The following TMEM108 variants were observed in gnomAD, a reference collection of about 807,000 sequenced individuals.
TMEM108 encodes cancer/testis antigen 124.
Under a neutral mutation model 35.1 loss-of-function variants are expected in TMEM108, and 12 were observed. That is an observed-to-expected ratio of 0.34 (90% confidence interval 0.22 to 0.55). The LOEUF is 0.55. TMEM108 is among the 20% of genes least tolerant of loss of function. The pLI, the probability that TMEM108 is intolerant of heterozygous loss-of-function variation, is 0.89. For missense variants in TMEM108, 680 were observed against 753.3 expected (o/e 0.90, Z 1.14); for synonymous variants, 287 against 308.6 (o/e 0.93, Z 0.73).
chr3:133,273,546 G>A (rs543403843), intron 3 of TMEM108, among the ~76,000 whole-genome samples: 7 of 152,244 alleles, frequency 4.6e-5, no homozygotes, highest in African/African-American at 1.2e-4. Flanking sequence ...GACTTCAAAG[G>A]GTCCCTCTCC....
chr3:133,044,990 C>T (rs1451114216), intron 1 of TMEM108, among the ~76,000 whole-genome samples: 5 of 144,830 alleles, frequency 3.5e-5, no homozygotes, highest in South Asian at 2.2e-4. Context: ...TTTTTTGAGA[C>T]GGAGTCTCAT....
chr3:133,198,419 A>G (rs937486061), intron 2 of TMEM108, among the ~76,000 whole-genome samples: 5 of 152,212 alleles, frequency 3.3e-5, no homozygotes, highest in Non-Finnish European at 7.3e-5. Flanking sequence ...ATTTTATAGG[A>G]TCAAGAGGAT....
At chr3:133,121,589 G>A (rs1239234654) in intron 2 of TMEM108, among the ~76,000 whole-genome samples, 1 of 152,178 alleles carries the variant, frequency 6.6e-6, no homozygotes, top group African/African-American at 2.4e-5. Flanking sequence ...AGGTGCTCAT[G>A]GAAGCATCTT....
At chr3:133,115,430 AT>A (rs1944276390) in intron 2 of TMEM108, among the ~76,000 whole-genome samples, 1 of 152,216 alleles carries the variant, frequency 6.6e-6, no homozygotes, top group African/African-American at 2.4e-5. Context: ...CAAGAGGAAA[AT>A]GCCATCATTA....
chr3:133,282,836 A>T (rs191251862), intron 3 of TMEM108, among the ~76,000 whole-genome samples: 171 of 151,792 alleles, frequency 1.1e-3, no homozygotes, highest in Admixed American at 2.4e-3. Flanking sequence ...ATTTGATTTT[A>T]AAAAAAAAGT....
intron 3 of TMEM108, among the ~76,000 whole-genome samples, chr3:133,338,899 G>A (rs1251584055): frequency 1.3e-5 from 2 of 151,708 alleles, no homozygotes; most frequent in African/African-American, 4.8e-5. Flanking sequence ...TAAAATAATG[G>A]GTTATAAGAT....
chr3:133,192,478 A>G (rs1945513020), intron 2 of TMEM108, among the ~76,000 whole-genome samples: 1 of 152,038 alleles, frequency 6.6e-6, no homozygotes, highest in Non-Finnish European at 1.5e-5. Flanking sequence ...TGTGGAGCCT[A>G]GGATAGGCAG....
At chr3:133,051,642 T>C (rs935055206) in intron 2 of TMEM108, among the ~76,000 whole-genome samples, 4 of 152,186 alleles carry the variant, frequency 2.6e-5, no homozygotes, top group Non-Finnish European at 5.9e-5. Context: ...TTTTATAGTT[T>C]TGTCCTTTAC....
At chr3:133,277,607 C>T (rs923143980) in intron 3 of TMEM108, among the ~76,000 whole-genome samples, 1 of 152,176 alleles carries the variant, frequency 6.6e-6, no homozygotes, top group Non-Finnish European at 1.5e-5. Context: ...AGAGCCCAGG[C>T]ACCAGACTCA....
chr3:133,051,182 CA>C (rs1395709192), intron 2 of TMEM108, among the ~76,000 whole-genome samples: 1 of 152,030 alleles, frequency 6.6e-6, no homozygotes, highest in African/African-American at 2.4e-5. Flanking sequence ...TTGGTATTGT[CA>C]GCGTTTCAGA....
intron 2 of TMEM108, among the ~76,000 whole-genome samples, chr3:133,123,254 C>T (rs550908689): frequency 2.0e-5 from 3 of 152,272 alleles, no homozygotes; most frequent in African/African-American, 4.8e-5. Context: ...TCAACATTTA[C>T]GTTTTTCCAG....
chr3:133,236,899 A>T (rs73217524), intron 3 of TMEM108, among the ~76,000 whole-genome samples: 4 of 152,210 alleles, frequency 2.6e-5, no homozygotes, highest in Non-Finnish European at 5.9e-5. Context: ...TGAAGTTCTC[A>T]TGTATTCCAT....
At chr3:133,325,828 T>C (rs986862903) in intron 3 of TMEM108, among the ~76,000 whole-genome samples, 1 of 151,842 alleles carries the variant, frequency 6.6e-6, no homozygotes, top group African/African-American at 2.4e-5. Flanking sequence ...GGAATTTGAA[T>C]ACTAATAACA....
chr3:133,070,082 G>A (rs2107688674), intron 2 of TMEM108, among the ~76,000 whole-genome samples: 1 of 152,210 alleles, frequency 6.6e-6, no homozygotes, highest in African/African-American at 2.4e-5. Flanking sequence ...ACCCTAAACA[G>A]TACAGAGCAC....
rs1429769682 is a variant in TMEM108, at chr3:133,397,512, T to TTC, written c.*1530_*1531dup. 1 of 152,184 alleles carries TTC rather than the reference T, an allele frequency of 6.6e-6. No individual in the cohort carries two copies. Among genetic ancestry groups the TTC allele is most frequent in the Non-Finnish European group, 1.5e-5 (1 of 68,032 alleles). The allele number at this position is 152,184 out of a possible 1,614,324, so 9.4% of individuals were successfully genotyped here. ...AACCCACAAAGAAGCAACTAAATGT[T>TTC]TCTCTAAGTTTAATTTTCTAGCGTG... On this transcript the variant is annotated 3_prime_UTR_variant, in exon 6 of 6. Coordinates refer to ENST00000321871, the MANE Select transcript of TMEM108 (RefSeq NM_023943.4).
At chr3:133,222,573 A>AT (rs1290675822) in intron 2 of TMEM108, among the ~76,000 whole-genome samples, 1 of 150,732 alleles carries the variant, frequency 6.6e-6, no homozygotes, top group Non-Finnish European at 1.5e-5. Context: ...CCTTTTTATT[A>AT]TTTTTTTCTC....
At chr3:133,289,781 T>G (rs992314210) in intron 3 of TMEM108, among the ~76,000 whole-genome samples, 19 of 152,182 alleles carry the variant, frequency 1.2e-4, no homozygotes, top group Admixed American at 3.9e-4. Context: ...AATTTTTAAG[T>G]TTTTTGGACC....
At chr3:133,286,589 G>A (rs1946989203) in intron 3 of TMEM108, among the ~76,000 whole-genome samples, 1 of 152,110 alleles carries the variant, frequency 6.6e-6, no homozygotes, top group South Asian at 2.1e-4. Flanking sequence ...TTCCCGCCTT[G>A]GCCTCCCAGA....
chr3:133,388,504 A>G (rs2073187510), intron 4 of TMEM108: 1 of 985,360 alleles, frequency 1.0e-6, no homozygotes, highest in African/African-American at 1.7e-5. Context: ...GAAAGAGGAA[A>G]GAGATCCACA....
Sources: allele counts gnomAD v4.1 joint callset (sites outside exome capture counted in the v4.1 genomes callset), GRCh38; gene constraint gnomAD v4.1.1; transcripts MANE v1.5; gene names NCBI Gene and HGNC (gene_info 2026-07-23, HGNC 2026-07-21).